Variants in GRID2 observed in about 807,000 individuals in gnomAD.
GRID2 encodes glutamate receptor ionotropic, delta-2.
In GRID2, 33 loss-of-function variants were observed where a neutral mutation model predicts 114.8. The ratio of observed to expected loss-of-function variants is 0.29; its 90% CI spans 0.22 to 0.38. GRID2 has a LOEUF of 0.38. Ranked by LOEUF, GRID2 falls within the 10% of genes least tolerant of loss-of-function variation. GRID2 has a pLI of 1.00. For missense variants in GRID2, 1,184 were observed against 1,257.7 expected (o/e 0.94, Z 0.89); for synonymous variants, 505 against 449.9 (o/e 1.12, Z -1.55).
At chr4:92,700,950 T>C (rs563883887) in intron 2 of GRID2, among the ~76,000 whole-genome samples, 35 of 145,464 alleles carry the variant, frequency 2.4e-4, no homozygotes, top group Admixed American at 1.3e-3. Context: ...GCAGAGACTG[T>C]GCCACTGCAC....
At chr4:92,380,384 T>C (rs537858442) in intron 1 of GRID2, among the ~76,000 whole-genome samples, 1 of 152,142 alleles carries the variant, frequency 6.6e-6, no homozygotes, top group African/African-American at 2.4e-5. Flanking sequence ...TTTAGCTTTG[T>C]TGATCCTCAG....
At chr4:92,777,331 G>T (rs1738858595) in intron 2 of GRID2, among the ~76,000 whole-genome samples, 1 of 151,910 alleles carries the variant, frequency 6.6e-6, no homozygotes, top group Non-Finnish European at 1.5e-5. Context: ...TTATAGTTCA[G>T]ATAGTCATTA....
chr4:93,533,364 C>A (rs1258620735), intron 13 of GRID2, among the ~76,000 whole-genome samples: 1 of 122,844 alleles, frequency 8.1e-6, no homozygotes, highest in African/African-American at 3.0e-5. Flanking sequence ...CCCTTCCTTA[C>A]TTCTCTCTCT....
At chr4:93,117,684 T>G (rs1385329226) in intron 4 of GRID2, among the ~76,000 whole-genome samples, 1 of 152,144 alleles carries the variant, frequency 6.6e-6, no homozygotes, top group African/African-American at 2.4e-5. Flanking sequence ...GTGATTTCCC[T>G]GTTTAAAATA....
Position 92,999,831 on chromosome 4 carries a change from G to T in GRID2, c.245-85164G>T, listed in dbSNP as rs1165105722. ...ATGCTGTCGAATTGCTCTCCAAAAA[G>T]ATTTTACTAGTTTATATTTTCATTA... is the stretch of plus-strand genomic sequence containing the variant. On this transcript the variant is annotated intron_variant, in intron 2 of 15. Coordinates refer to ENST00000282020, the MANE Select transcript of GRID2 (RefSeq NM_001510.4). 2.0e-5 allele frequency among the ~76,000 whole-genome samples: 3 copies of T among 151,226 alleles called. No individual in the cohort carries two copies. In the East Asian group the frequency reaches 5.8e-4, roughly 29 times the overall value.
At chr4:92,614,743 G>A (rs114602159) in intron 2 of GRID2, among the ~76,000 whole-genome samples, 354 of 151,656 alleles carry the variant, frequency 2.3e-3, no homozygotes, top group African/African-American at 7.8e-3. Flanking sequence ...TTCTGGTATT[G>A]TCTTTCCTTG....
chr4:93,560,402 A>G (rs1023783929), intron 13 of GRID2, among the ~76,000 whole-genome samples: 2 of 151,924 alleles, frequency 1.3e-5, no homozygotes, highest in Non-Finnish European at 2.9e-5. Flanking sequence ...AGGAGAAGAG[A>G]AAGCAGGCAC....
At chr4:93,724,247 C>G (rs1303063136) in intron 14 of GRID2, among the ~76,000 whole-genome samples, 1 of 152,150 alleles carries the variant, frequency 6.6e-6, no homozygotes, top group African/African-American at 2.4e-5. Context: ...GTAAAATGTT[C>G]AAGCGCATGC....
downstream of GRID2, among the ~76,000 whole-genome samples, chr4:93,775,850 T>C (rs893961078): frequency 1.3e-5 from 2 of 152,230 alleles, no homozygotes; most frequent in African/African-American, 4.8e-5. Context: ...GTGATCATGT[T>C]ATTTTTCATC....
intron 10 of GRID2, among the ~76,000 whole-genome samples, chr4:93,439,229 C>T (rs957891940): frequency 6.6e-6 from 1 of 151,982 alleles, no homozygotes; most frequent in Non-Finnish European, 1.5e-5. Flanking sequence ...AATGGTATTT[C>T]TAGTTCTAGA....
intron 2 of GRID2, among the ~76,000 whole-genome samples, chr4:92,784,053 G>C (rs1739209480): frequency 6.6e-6 from 1 of 151,692 alleles, no homozygotes. Flanking sequence ...TTTACCCTTG[G>C]GAATGATTTT....
intron 8 of GRID2, among the ~76,000 whole-genome samples, chr4:93,277,463 C>G (rs1165293044): frequency 1.3e-5 from 2 of 151,386 alleles, no homozygotes; most frequent in African/African-American, 4.8e-5. Context: ...TAAGACTTTC[C>G]ATCGTCTTAT....
intron 1 of GRID2, among the ~76,000 whole-genome samples, chr4:92,537,792 TG>T (rs1725726674): frequency 8.1e-6 from 1 of 123,046 alleles, no homozygotes; most frequent in Non-Finnish European, 1.7e-5. Flanking sequence ...GCGGTGTGTG[TG>T]TGTGTGTGTG....
intron 13 of GRID2, among the ~76,000 whole-genome samples, chr4:93,613,726 A>T (rs1741239704): frequency 6.8e-6 from 1 of 147,970 alleles, no homozygotes; most frequent in Non-Finnish European, 1.5e-5. Flanking sequence ...GCTGTCAGAC[A>T]GGGACACTTA....
At chr4:93,073,031 G>A (rs543781670) in intron 2 of GRID2, among the ~76,000 whole-genome samples, 15 of 152,312 alleles carry the variant, frequency 9.8e-5, no homozygotes, top group Admixed American at 7.8e-4. Context: ...AAGTAACATA[G>A]TGTGAGCAGT....
At chr4:93,068,824 A>G (rs1728548658) in intron 2 of GRID2, among the ~76,000 whole-genome samples, 1 of 151,988 alleles carries the variant, frequency 6.6e-6, no homozygotes, top group East Asian at 1.9e-4. Flanking sequence ...TTGCATTGCT[A>G]TAAAGAAATA....
chr4:92,909,896 G>T (rs911300791), intron 2 of GRID2, among the ~76,000 whole-genome samples: 1 of 152,092 alleles, frequency 6.6e-6, no homozygotes, highest in African/African-American at 2.4e-5. Context: ...ATTGTTAAAA[G>T]AAAGCAAATT....
chr4:92,628,454 G>C (rs1470563648), intron 2 of GRID2, among the ~76,000 whole-genome samples: 4 of 152,110 alleles, frequency 2.6e-5, no homozygotes, highest in Non-Finnish European at 5.9e-5. Context: ...CACCTCCCAG[G>C]TTCAAGCAAT....
intron 8 of GRID2, among the ~76,000 whole-genome samples, chr4:93,257,077 A>C (rs1486179197): frequency 1.3e-5 from 2 of 151,924 alleles, no homozygotes; most frequent in Non-Finnish European, 2.9e-5. Flanking sequence ...TAACAACTTA[A>C]CGTTTAAGTC....
Sources: gnomAD v4.1 joint callset for allele counts (sites outside exome capture counted in the v4.1 genomes callset) on GRCh38, gnomAD v4.1.1 for gene constraint, MANE v1.5 for transcripts, NCBI Gene and HGNC (gene_info 2026-07-23, HGNC 2026-07-21) for gene names.